Variants in PRRG4 observed in about 807,000 individuals in gnomAD.
The protein encoded by PRRG4 is proline rich and Gla domain 4.
A neutral mutation model predicts 20.0 loss-of-function variants in PRRG4; 12 were observed. The observed-to-expected ratio is 0.60, with a 90% CI of 0.38 to 0.97. The LOEUF is 0.97. Among genes scored for constraint, PRRG4 ranks in the 50% least tolerant of loss-of-function variants. The pLI is 0.00. For synonymous variants in PRRG4, 94 were observed against 96.4 expected (o/e 0.98, Z 0.15); for missense variants, 199 against 265.1 (o/e 0.75, Z 1.73).
At chr11:32,846,187 A>C (rs372700854) in intron 5 of PRRG4, among the ~76,000 whole-genome samples, 21 of 152,028 alleles carry the variant, frequency 1.4e-4, no homozygotes, top group African/African-American at 4.1e-4. Context: ...TAATAATAAT[A>C]ATTGTAGAGA....
At chr11:32,848,944 C>T (rs1039402470) in intron 5 of PRRG4, among the ~76,000 whole-genome samples, 4 of 145,866 alleles carry the variant, frequency 2.7e-5, no homozygotes, top group South Asian at 2.2e-4. Flanking sequence ...TGCACTCCAG[C>T]CTGGGCAACA....
intron 2 of PRRG4, among the ~76,000 whole-genome samples, chr11:32,835,911 G>A (rs1851015539): frequency 6.6e-6 from 1 of 152,064 alleles, no homozygotes; most frequent in African/African-American, 2.4e-5. Context: ...AGACCAGCCT[G>A]GCCAAAATAG....
intron 3 of PRRG4, among the ~76,000 whole-genome samples, chr11:32,838,592 T>C (rs11605633): frequency 0.28 from 42,454 of 152,058 alleles, 6,216 homozygotes; most frequent in Admixed American, 0.35. Context: ...AATGCAATAA[T>C]TTCCCCCAAT....
chr11:32,845,935 A>G (rs71479185), intron 5 of PRRG4, among the ~76,000 whole-genome samples: 11,364 of 152,058 alleles, frequency 0.075, 452 homozygotes, highest in Non-Finnish European at 0.089. Context: ...CAGGAAAATC[A>G]CTTGAGCCCA....
At chr11:32,848,207 C>T (rs1314059207) in intron 5 of PRRG4, among the ~76,000 whole-genome samples, 1 of 152,112 alleles carries the variant, frequency 6.6e-6, no homozygotes, top group African/African-American at 2.4e-5. Flanking sequence ...GAACATTATT[C>T]CTCACATGGC....
At chr11:32,845,094 T>TA (rs981026900) in intron 5 of PRRG4, among the ~76,000 whole-genome samples, 8 of 151,658 alleles carry the variant, frequency 5.3e-5, no homozygotes, top group African/African-American at 1.2e-4. Flanking sequence ...TATGATCTTG[T>TA]AAAAAAAATA....
intron 5 of PRRG4, among the ~76,000 whole-genome samples, chr11:32,847,833 A>G (rs1222377597): frequency 6.6e-6 from 1 of 152,256 alleles, no homozygotes; most frequent in Admixed American, 6.5e-5. Context: ...ACGTGCTACA[A>G]TATGGATGAA....
At chr11:32,846,340 G>A (rs1851130340) in intron 5 of PRRG4, among the ~76,000 whole-genome samples, 1 of 152,170 alleles carries the variant, frequency 6.6e-6, no homozygotes, top group African/African-American at 2.4e-5. Context: ...CTGTGATGAA[G>A]AGTAGTGAGT....
rs1851235550 is a variant in PRRG4, at chr11:32,857,387, G to A, written c.*3860G>A. On this transcript the variant is annotated 3_prime_UTR_variant, in exon 6 of 6. Coordinates refer to ENST00000257836, the MANE Select transcript of PRRG4 (RefSeq NM_024081.6). ...GCTGGTCTCAAACTCCTGACCTCAG[G>A]TGATCCGCCCGCCTCAGCCTCCCAA... is the stretch of plus-strand genomic sequence containing the variant. 6.6e-6 allele frequency: 1 copy of A among 152,216 alleles called. No individual in the cohort carries two copies. The highest frequency in any genetic ancestry group is 2.4e-5 in the African/African-American group (1 of 41,400). The allele number at this position is 152,216 out of a possible 1,614,324, so 9.4% of individuals were successfully genotyped here.
At chr11:32,853,179 T>C in intron 5 of PRRG4, 117 bp from the exon 6 acceptor site, 1 of 716,134 alleles carries the variant, frequency 1.4e-6, no homozygotes, top group Non-Finnish European at 2.4e-6. Context: ...AATAAAACTG[T>C]TATATTAATA....
intron 5 of PRRG4, among the ~76,000 whole-genome samples, chr11:32,852,310 G>A (rs945256644): frequency 6.6e-6 from 1 of 152,178 alleles, no homozygotes; most frequent in Admixed American, 6.5e-5. Context: ...GAAGGCACGG[G>A]ACTTAGAACT....
intron 4 of PRRG4, among the ~76,000 whole-genome samples, chr11:32,839,724 ATTTTGAATATTATTAAAATATAGAT>A (rs879681265): frequency 0.063 from 8,606 of 136,168 alleles, 436 homozygotes; most frequent in Non-Finnish European, 0.075. Context: ...ATATAAATAT[ATTTTGAATATTATTAAAATATAGAT>A]ATATTTTGAA....
Position 32,830,157 on chromosome 11 carries a change from T to C in PRRG4, c.-39T>C. 9.8e-7 allele frequency: 1 copy of C among 1,018,312 alleles called. No individual in the cohort carries two copies. The highest frequency in any genetic ancestry group is 8.9e-5 in the East Asian group (1 of 11,230). The allele number at this position is 1,018,312 out of a possible 1,614,324, so 63.1% of individuals were successfully genotyped here. A position where few individuals can be genotyped will look rare whatever the true frequency, so the allele number is the denominator to read the frequency against. On this transcript the variant is annotated 5_prime_UTR_variant, in exon 1 of 6. It removes an upstream start codon present in the reference 5' UTR. Transcript: ENST00000257836. The stretch of plus-strand genomic sequence containing the variant: ...CTCTGGCCCGGGGGCTGCTGGAACA[T>C]GTGCGGGGGGACACAGGTACGAGGC...
At chr11:32,838,519 G>A (rs1310853847) in intron 3 of PRRG4, among the ~76,000 whole-genome samples, 1 of 151,902 alleles carries the variant, frequency 6.6e-6, no homozygotes. Flanking sequence ...TCAGTCTCCT[G>A]TTCAATCATG....
At position 32,853,279 on chromosome 11, in the gene PRRG4, G is replaced by A. The variant is rs771364529; in HGVS notation, c.450-17G>A. 6.3e-7 allele frequency: 1 copy of A among 1,589,110 alleles called. No individual in the cohort carries two copies. ...AATGCTACCTTTCCTAGACCTAAATGTTGTCTCTCTGCTTAGCTCTTCAGC... is the reference window on the plus strand; with the variant it reads ...AATGCTACCTTTCCTAGACCTAAATATTGTCTCTCTGCTTAGCTCTTCAGC... On this transcript the variant is annotated splice_polypyrimidine_tract_variant and intron_variant, in intron 5 of 5. Transcript: ENST00000257836.
intron 5 of PRRG4, among the ~76,000 whole-genome samples, chr11:32,852,452 C>T (rs1371715172): frequency 6.6e-6 from 1 of 152,204 alleles, no homozygotes. Context: ...AGGCATCAGC[C>T]TATTGTGATT....
At position 32,853,612 on chromosome 11, in the gene PRRG4, G is replaced by A. The variant is rs1851204303; in HGVS notation, c.*85G>A. ...CATGCCTGTAATCCCAGCACTTTGGGAGGCCAGGAGTTCGAGACCAGCCTG... is the reference window on the plus strand; with the variant it reads ...CATGCCTGTAATCCCAGCACTTTGGAAGGCCAGGAGTTCGAGACCAGCCTG... On this transcript the variant is annotated 3_prime_UTR_variant, in exon 6 of 6. Coordinates refer to ENST00000257836, the MANE Select transcript of PRRG4 (RefSeq NM_024081.6). The A allele has an allele frequency of 9.0e-7, 1 of 1,106,720 alleles. No individual in the cohort carries two copies. The highest frequency in any genetic ancestry group is 1.3e-6 in the Non-Finnish European group (1 of 753,294). 68.6% of individuals were successfully genotyped at this position (1,106,720 alleles called of 1,614,324 possible).
chr11:32,847,449 T>A (rs1312503888), intron 5 of PRRG4, among the ~76,000 whole-genome samples: 1 of 152,154 alleles, frequency 6.6e-6, no homozygotes, highest in Non-Finnish European at 1.5e-5. Context: ...CATGCACCTG[T>A]AATTCCAGCT....
rs1302222823 is a variant in PRRG4, at chr11:32,830,145, G to A, written c.-51G>A. On this transcript the variant is annotated 5_prime_UTR_variant, in exon 1 of 6. Coordinates refer to ENST00000257836, the MANE Select transcript of PRRG4 (RefSeq NM_024081.6). ...CCCAAGAAGAGCCTCTGGCCCGGGG[G>A]CTGCTGGAACATGTGCGGGGGGACA... The A allele has an allele frequency of 7.9e-6, 8 of 1,008,726 alleles. No individual in the cohort carries two copies. Among genetic ancestry groups the A allele is most frequent in the South Asian group, 4.6e-5 (1 of 21,626 alleles). 62.5% of individuals were successfully genotyped at this position (1,008,726 alleles called of 1,614,324 possible).
Sources: allele counts gnomAD v4.1 joint callset (sites outside exome capture counted in the v4.1 genomes callset), GRCh38; gene constraint gnomAD v4.1.1; transcripts MANE v1.5; gene names NCBI Gene and HGNC (gene_info 2026-07-23, HGNC 2026-07-21).